LYZL6: variants seen among roughly 807,000 people sequenced by gnomAD.
The protein encoded by LYZL6 is lysozyme like 6.
A neutral mutation model predicts 15.0 loss-of-function variants in LYZL6; 21 were observed. The ratio of observed to expected loss-of-function variants is 1.40; its 90% CI spans 1.00 to 2.02. The LOEUF is 2.02. Ranked by LOEUF, LYZL6 falls within the 30% of genes most tolerant of loss-of-function variation. The pLI, the probability that LYZL6 is intolerant of heterozygous loss-of-function variation, is 0.00. For synonymous variants in LYZL6, 72 were observed against 67.8 expected, an observed-to-expected ratio of 1.06 and a Z score of -0.31; for missense variants, 173 against 180.5, an observed-to-expected ratio of 0.96 and a Z score of 0.24.
At chr17:35,941,490 A>G (rs369854219) in intron 1 of LYZL6, among the ~76,000 whole-genome samples, 6 of 152,048 alleles carry the variant, frequency 3.9e-5, no homozygotes, top group African/African-American at 1.4e-4. Flanking sequence ...TTTAATTTTG[A>G]TGATGTGCAA....
In LYZL6 at chr17:35,934,827, AAG is replaced by A; in HGVS notation, c.414_415del (p.Phe139LeufsTer51). 5.0e-6 allele frequency: 8 copies of A among 1,613,996 alleles called. No individual in the cohort carries two copies. The highest frequency in any genetic ancestry group is 6.8e-6 in the Non-Finnish European group (8 of 1,179,990). ...CAGGCGGCATCCTGTCAGCCAGTAG[AAG>A]AGTGGCCGGCCTGAACAGTGCAACC... On this transcript the variant is annotated frameshift_variant, in exon 5 of 5. Coordinates refer to ENST00000615905, the MANE Select transcript of LYZL6 (RefSeq NM_020426.4). LOFTEE classifies it high-confidence loss of function.
At position 35,943,328 on chromosome 17, in the gene LYZL6, A is replaced by G. The variant is rs76796628; in HGVS notation, c.-203+239T>C. On this transcript the variant is annotated intron_variant, in intron 1 of 4. Transcript: ENST00000615905. ...TTCGGGCCATTCTTTTGCTTCTCCC[A>G]TCATTCTACCCCCAGAGCTGACAGA... is the stretch of plus-strand genomic sequence containing the variant. Among the ~76,000 whole-genome samples the G allele has an allele frequency of 7.2e-5, 11 of 152,214 alleles. No individual in the cohort carries two copies. The East Asian group carries it at 2.1e-3, about 29-fold the overall frequency.
At position 35,939,470 on chromosome 17, in the gene LYZL6, A is replaced by T. The variant is rs1037258468; in HGVS notation, c.-114T>A. On this transcript the variant is annotated 5_prime_UTR_variant, in exon 2 of 5. Coordinates refer to ENST00000615905, the MANE Select transcript of LYZL6 (RefSeq NM_020426.4). Reference sequence around the variant, plus strand: ...CTGGAGAGGGCAGCCAGGTTTCCTTACTCACTCACTGCTCCAACCTGGCTG... The same window carrying T: ...CTGGAGAGGGCAGCCAGGTTTCCTTTCTCACTCACTGCTCCAACCTGGCTG... 3.1e-6 allele frequency: 3 copies of T among 956,176 alleles called. No homozygotes were observed. Among genetic ancestry groups the T allele is most frequent in the African/African-American group, 1.6e-5 (1 of 61,480 alleles). 59.2% of individuals were successfully genotyped at this position (956,176 alleles called of 1,614,324 possible). A position where few individuals can be genotyped will look rare whatever the true frequency, so the allele number is the denominator to read the frequency against.
intron 4 of LYZL6, among the ~76,000 whole-genome samples, chr17:35,935,715 T>C (rs777873410): frequency 1.3e-5 from 2 of 152,182 alleles, no homozygotes; most frequent in Non-Finnish European, 2.9e-5. Flanking sequence ...AGTTTCACCA[T>C]ATTGGCCAGG....
chr17:35,942,747 T>C (rs775472785), intron 1 of LYZL6, among the ~76,000 whole-genome samples: 7 of 152,092 alleles, frequency 4.6e-5, no homozygotes, highest in Non-Finnish European at 1.0e-4. Flanking sequence ...TTCACACTTA[T>C]ACAATGGGCC....
intron 1 of LYZL6, among the ~76,000 whole-genome samples, chr17:35,942,211 C>T (rs2089429272): frequency 1.3e-5 from 2 of 152,198 alleles, no homozygotes; most frequent in African/African-American, 2.4e-5. Context: ...GCCTGTAATC[C>T]GAGCACTTTG....
intron 1 of LYZL6, among the ~76,000 whole-genome samples, chr17:35,943,061 A>C (rs1369351635): frequency 6.6e-6 from 1 of 152,062 alleles, no homozygotes; most frequent in Non-Finnish European, 1.5e-5. Context: ...TCTCTAGCCC[A>C]TTTATAAAAC....
At position 35,936,793 on chromosome 17, in the gene LYZL6, T is replaced by G. The variant is rs761284686; in HGVS notation, c.339A>C (p.Ala113=). Residue 113 remains alanine (A), a synonymous_variant, in exon 4 of 5, where the codon GCA becomes GCC. Transcript: ENST00000615905. Reference sequence around the variant, plus strand: ...CCCGTGCTCCGGACACAATCCTTTTTGCGCAGTGGATGCCTGCAAGAAGGT... The same window carrying G: ...CCCGTGCTCCGGACACAATCCTTTTGGCGCAGTGGATGCCTGCAAGAAGGT... ...NPNLLAGIHC[A]KRIVSGARGM... 1 of 1,613,948 alleles carries G rather than the reference T, an allele frequency of 6.2e-7. No homozygotes were observed. The highest frequency in any genetic ancestry group is 1.3e-5 in the African/African-American group (1 of 75,042).
At chr17:35,940,420 G>C (rs1229202855) in intron 1 of LYZL6, among the ~76,000 whole-genome samples, 1 of 152,286 alleles carries the variant, frequency 6.6e-6, no homozygotes, top group Admixed American at 6.5e-5. Context: ...CTCGAAATAT[G>C]TATTGGGGCA....
In LYZL6 at chr17:35,934,738, A is replaced by C; in HGVS notation, c.*58T>G. The C allele has an allele frequency of 6.7e-7, 1 of 1,482,618 alleles. No individual in the cohort carries two copies. The highest frequency in any genetic ancestry group is 9.4e-7 in the Non-Finnish European group (1 of 1,066,250). The allele number at this position is 1,482,618 out of a possible 1,614,324, so 91.8% of individuals were successfully genotyped here. On this transcript the variant is annotated 3_prime_UTR_variant, in exon 5 of 5. Coordinates refer to ENST00000615905, the MANE Select transcript of LYZL6 (RefSeq NM_020426.4). ...GAGGCAGTAGGAAGAAGAAATGAAG[A>C]ATCCCTGAGTGAGGACAGGAGTCTT...
chr17:35,937,657 T>C, intron 3 of LYZL6, 101 bp downstream of exon 3: 1 of 1,344,402 alleles, frequency 7.4e-7, no homozygotes, highest in Non-Finnish European at 1.0e-6. Flanking sequence ...TTTTGAACCA[T>C]ATTTCTGGGG....
In LYZL6 at chr17:35,934,832, T is replaced by C. The variant is rs755208706; in HGVS notation, c.411A>G (p.Pro137=). 6.8e-6 allele frequency: 11 copies of C among 1,613,958 alleles called. No homozygotes were observed. Among genetic ancestry groups the C allele is most frequent in the Middle Eastern group, 1.6e-4 (1 of 6,062 alleles). Residue 137 remains proline, a synonymous_variant, in exon 5 of 5, where the codon CCA becomes CCG. Coordinates refer to ENST00000615905, the MANE Select transcript of LYZL6 (RefSeq NM_020426.4). The part of the protein sequence containing the change: ...VEWRLHCSGR[P]LFYWLTGCRL... ...GGCATCCTGTCAGCCAGTAGAAGAG[T>C]GGCCGGCCTGAACAGTGCAACCTCC... is the stretch of plus-strand genomic sequence containing the variant.
Position 35,934,522 on chromosome 17 carries a change from C to T in LYZL6, c.*274G>A. 2 of 442,382 alleles carry T rather than the reference C, an allele frequency of 4.5e-6. No homozygotes were observed. The highest frequency in any genetic ancestry group is 6.7e-5 in the South Asian group (2 of 29,814). The allele number at this position is 442,382 out of a possible 1,614,324, so 27.4% of individuals were successfully genotyped here. ...AATGAATAAATGGACACAGTCTTTG[C>T]AGAGCGAGTGCTTTAATATTTCGAT... is the stretch of plus-strand genomic sequence containing the variant. On this transcript the variant is annotated 3_prime_UTR_variant, in exon 5 of 5. Coordinates refer to ENST00000615905, the MANE Select transcript of LYZL6 (RefSeq NM_020426.4).
chr17:35,938,759 C>T (rs989237302), intron 2 of LYZL6, among the ~76,000 whole-genome samples: 8 of 152,166 alleles, frequency 5.3e-5, no homozygotes, highest in Admixed American at 5.2e-4. Context: ...ACTAGCTGTC[C>T]CCTCTGCCTA....
intron 4 of LYZL6, 115 bp from the exon 5 acceptor site, chr17:35,934,980 T>G: frequency 1.6e-6 from 1 of 616,206 alleles, no homozygotes; most frequent in South Asian, 2.6e-5. Flanking sequence ...CCGTCATTGC[T>G]AGCTAGCCCT....
In LYZL6 at chr17:35,934,781, C is replaced by T. The variant is rs769494439; in HGVS notation, c.*15G>A. On this transcript the variant is annotated 3_prime_UTR_variant, in exon 5 of 5. Coordinates refer to ENST00000615905, the MANE Select transcript of LYZL6 (RefSeq NM_020426.4). ...GGAGTCTTGGAATGACTCCACGGTG[C>T]ACCCGCACCCTGTTTCATCTCAGGC... The T allele has an allele frequency of 2.3e-5, 37 of 1,613,404 alleles. No homozygotes were observed. The highest frequency in any genetic ancestry group is 4.4e-5 in the South Asian group (4 of 91,048).
At chr17:35,936,690 C>T (rs534075526) in intron 4 of LYZL6, 65 bp downstream of exon 4, 3 of 1,416,508 alleles carry the variant, frequency 2.1e-6, no homozygotes, top group East Asian at 2.3e-5. Context: ...TGCCTACTGC[C>T]CTTTTCTCTG....
Position 35,939,415 on chromosome 17 carries a change from C to T in LYZL6, c.-59G>A. The T allele has an allele frequency of 6.4e-7, 1 of 1,555,668 alleles. No individual in the cohort carries two copies. The highest frequency in any genetic ancestry group is 8.8e-7 in the Non-Finnish European group (1 of 1,139,660). ...TGGTTCTTAGGGTCTTGCAGACTTT[C>T]TGCTGATCTTCTCTGAGAGCCTGGG... On this transcript the variant is annotated 5_prime_UTR_variant, in exon 2 of 5. Transcript: ENST00000615905.
At chr17:35,938,755 T>G (rs2089399771) in intron 2 of LYZL6, among the ~76,000 whole-genome samples, 1 of 152,224 alleles carries the variant, frequency 6.6e-6, no homozygotes, top group Non-Finnish European at 1.5e-5. Flanking sequence ...TTGTACTAGC[T>G]GTCCCCTCTG....
Sources: gnomAD v4.1 joint callset for allele counts (sites outside exome capture counted in the v4.1 genomes callset) on GRCh38, gnomAD v4.1.1 for gene constraint, MANE v1.5 for transcripts, NCBI Gene and HGNC (gene_info 2026-07-23, HGNC 2026-07-21) for gene names.